The following ZDHHC21 variants were observed in gnomAD, a reference collection of about 807,000 sequenced individuals.
The protein encoded by ZDHHC21 is palmitoyltransferase ZDHHC21.
Under a neutral mutation model 34.6 loss-of-function variants are expected in ZDHHC21, and 15 were observed. The ratio of observed to expected loss-of-function variants is 0.43; its 90% confidence interval spans 0.29 to 0.67. ZDHHC21 has a LOEUF of 0.67. ZDHHC21 is among the 30% of genes least tolerant of loss of function. The pLI, the probability that ZDHHC21 is intolerant of heterozygous loss-of-function variation, is 0.14. For synonymous variants in ZDHHC21, 142 were observed against 101.8 expected (o/e 1.40, Z -2.38); for missense variants, 344 against 327.7 (o/e 1.05, Z -0.38).
rs1452892635 is a variant in ZDHHC21 at position 14,612,187 on chromosome 9, C to T, written c.*6779G>A. ...ATATCGTTCAAATGATCTGAAGCCA[C>T]ATTTCACATAAATTTCAGACTTGAT... On this transcript the variant is annotated 3_prime_UTR_variant, in exon 10 of 10. Transcript: ENST00000380916. The T allele has an allele frequency of 6.6e-6, 1 of 152,004 alleles. No individual in the cohort carries two copies. Among genetic ancestry groups the T allele is most frequent in the Non-Finnish European group, 1.5e-5 (1 of 67,914 alleles). The allele number at this position is 152,004 out of a possible 1,614,324, so 9.4% of individuals were successfully genotyped here. A position where few individuals can be genotyped will look rare whatever the true frequency, so the allele number is the denominator to read the frequency against.
chr9:14,676,243 T>A lies in ZDHHC21; in HGVS notation c.-45-1858A>T, dbSNP rs561965443. 2.0e-5 allele frequency among the ~76,000 whole-genome samples: 3 copies of A among 152,012 alleles called. No homozygotes were observed. In the East Asian group the frequency reaches 5.8e-4, roughly 29 times the overall value. On this transcript the variant is annotated intron_variant, in intron 3 of 9. Transcript: ENST00000380916. Reference sequence around the variant, plus strand: ...GAATCGAACCAGTGTGTTTTTCTGGTTGATTAGATATTAGGGGTTACAGGG... The same window carrying A: ...GAATCGAACCAGTGTGTTTTTCTGGATGATTAGATATTAGGGGTTACAGGG...
intron 5 of ZDHHC21, among the ~76,000 whole-genome samples, chr9:14,672,057 T>C (rs1371057577): frequency 1.3e-5 from 2 of 152,158 alleles, no homozygotes; most frequent in Non-Finnish European, 2.9e-5. Flanking sequence ...TTTCCTTATA[T>C]TCAAATTGCC....
At position 14,690,377 on chromosome 9, in the gene ZDHHC21, T is replaced by G; in HGVS notation, c.-216A>C. ...GAAAATCCTGCAGTAAGTGAAAAAG[T>G]TCTTCATTCTGTAATTACAGATAAA... On this transcript the variant is annotated 5_prime_UTR_variant, in exon 2 of 10. Transcript: ENST00000380916. 6.6e-6 allele frequency: 3 copies of G among 456,018 alleles called. No homozygotes were observed. The highest frequency in any genetic ancestry group is 4.7e-5 in the South Asian group (3 of 64,386). 28.2% of individuals were successfully genotyped at this position (456,018 alleles called of 1,614,324 possible).
rs181065148 is a variant in ZDHHC21, at chr9:14,673,841, C to G, written c.154+346G>C. ...AATTCTCACTTCTCAGTAATGTATA[C>G]TGTCTCTATTCTTAAAACATCTACA... On this transcript the variant is annotated intron_variant, in intron 4 of 9. Transcript: ENST00000380916. Among the ~76,000 whole-genome samples, 485 of 152,158 alleles carry G rather than the reference C, an allele frequency of 3.2e-3. 3 individuals are homozygous for G. Among genetic ancestry groups the G allele is most frequent in the African/African-American group, 0.011 (466 of 41,534 alleles).
chr9:14,606,210 T>G (rs913309363), downstream of ZDHHC21, among the ~76,000 whole-genome samples: 1 of 152,192 alleles, frequency 6.6e-6, no homozygotes, highest in Non-Finnish European at 1.5e-5. Flanking sequence ...GAAGTGTGAC[T>G]CTGACACTCT....
intron 4 of ZDHHC21, among the ~76,000 whole-genome samples, chr9:14,673,625 T>G (rs1418727437): frequency 6.6e-6 from 1 of 151,586 alleles, no homozygotes; most frequent in Non-Finnish European, 1.5e-5. Context: ...CATATATATA[T>G]AAAATTTCCC....
At chr9:14,654,349 T>C (rs1012471331) in intron 7 of ZDHHC21, among the ~76,000 whole-genome samples, 1 of 151,886 alleles carries the variant, frequency 6.6e-6, no homozygotes, top group African/African-American at 2.4e-5. Context: ...AAATTCTTGT[T>C]ATACAAACCC....
intron 1 of ZDHHC21, among the ~76,000 whole-genome samples, chr9:14,692,255 C>T (rs1470887206): frequency 1.3e-5 from 2 of 152,170 alleles, no homozygotes. Context: ...ACTAAGCAGT[C>T]ATCAAATGGT....
At chr9:14,688,671 G>A (rs1169406891) in intron 2 of ZDHHC21, among the ~76,000 whole-genome samples, 1 of 152,126 alleles carries the variant, frequency 6.6e-6, no homozygotes, top group Non-Finnish European at 1.5e-5. Context: ...AGACCAAACT[G>A]GCCAACGTCG....
chr9:14,623,565 A>G (rs1168823067), intron 8 of ZDHHC21, among the ~76,000 whole-genome samples: 1 of 151,612 alleles, frequency 6.6e-6, no homozygotes, highest in African/African-American at 2.4e-5. Flanking sequence ...CAACCTAAAG[A>G]ATGGAAGAAA....
At chr9:14,633,724 G>C (rs543245976) in intron 8 of ZDHHC21, among the ~76,000 whole-genome samples, 3 of 152,214 alleles carry the variant, frequency 2.0e-5, no homozygotes, top group African/African-American at 7.2e-5. Flanking sequence ...CAAATCCAGG[G>C]TGCATTTTCA....
At position 14,678,969 on chromosome 9, in the gene ZDHHC21, G is replaced by A. The variant is rs150838415; in HGVS notation, c.-46+1064C>T. Reference sequence around the variant, plus strand: ...AGTGGAGAGGGAACAGACCGTAACCGGTTTTTCTGGAAAGAGACAGGGATA... The same window carrying A: ...AGTGGAGAGGGAACAGACCGTAACCAGTTTTTCTGGAAAGAGACAGGGATA... On this transcript the variant is annotated intron_variant, in intron 3 of 9. Transcript: ENST00000380916. 2.4e-3 allele frequency among the ~76,000 whole-genome samples: 370 copies of A among 152,068 alleles called. 3 individuals carry two copies. Among genetic ancestry groups the A allele is most frequent in the African/African-American group, 8.0e-3 (333 of 41,510 alleles).
the ZDHHC21 span, chr9:14,589,610 G>C: frequency 2.6e-5 from 4 of 152,140 alleles, no homozygotes; most frequent in Non-Finnish European, 4.4e-5. Context: ...AGTAGGATGA[G>C]ACTGCAAGGC....
At chr9:14,650,207 T>C (rs1830986279) in intron 7 of ZDHHC21, among the ~76,000 whole-genome samples, 1 of 151,986 alleles carries the variant, frequency 6.6e-6, no homozygotes, top group Non-Finnish European at 1.5e-5. Context: ...AATAAATAGA[T>C]TATTCTTATT....
At chr9:14,605,296 A>G in the ZDHHC21 span, among the ~76,000 whole-genome samples, 2 of 151,882 alleles carry the variant, frequency 1.3e-5, no homozygotes, top group Non-Finnish European at 2.9e-5. Context: ...TTTTCAAAAC[A>G]GCTGCACCAT....
At chr9:14,683,617 G>C (rs1837765329) in intron 2 of ZDHHC21, 1 of 152,128 alleles carries the variant, frequency 6.6e-6, no homozygotes, top group Non-Finnish European at 1.5e-5. Context: ...AATTCTACCA[G>C]AGGTACAAGG....
chr9:14,651,685 T>G (rs998040454), intron 7 of ZDHHC21, among the ~76,000 whole-genome samples: 1 of 151,946 alleles, frequency 6.6e-6, no homozygotes, highest in African/African-American at 2.4e-5. Context: ...TTAAATACAG[T>G]GGTACTTTCC....
chr9:14,683,570 C>T (rs547510113), intron 2 of ZDHHC21: 1 of 151,974 alleles, frequency 6.6e-6, no homozygotes, highest in Non-Finnish European at 1.5e-5. Flanking sequence ...AGCTTACCAA[C>T]CAAAAAAAAG....
the ZDHHC21 span, among the ~76,000 whole-genome samples, chr9:14,596,014 T>C: frequency 6.6e-6 from 1 of 152,184 alleles, no homozygotes; most frequent in South Asian, 2.1e-4. Flanking sequence ...AATTTGGTAG[T>C]TTCTTATTAA....
Sources: allele counts gnomAD v4.1 joint callset (sites outside exome capture counted in the v4.1 genomes callset), GRCh38; gene constraint gnomAD v4.1.1; transcripts MANE v1.5; gene names NCBI Gene and HGNC (gene_info 2026-07-23, HGNC 2026-07-21).